Variants in PTPRO observed in about 807,000 individuals in gnomAD.
PTPRO encodes protein tyrosine phosphatase receptor type O.
Under a neutral mutation model 145.2 loss-of-function variants are expected in PTPRO, and 62 were observed. That is an observed-to-expected ratio of 0.43 (90% CI 0.35 to 0.53). The LOEUF (loss-of-function observed/expected upper bound fraction) is 0.53, where lower values mean the gene tolerates loss of function less well. PTPRO is among the 20% of genes least tolerant of loss of function. The probability of loss-of-function intolerance (pLI) is 0.01; values close to 1 mark genes in which losing one functional copy is unlikely to be tolerated. For synonymous variants in PTPRO, 565 were observed against 514.7 expected (o/e 1.10, Z -1.32); for missense variants, 1,345 against 1,482.7 (o/e 0.91, Z 1.53).
At chr12:15,425,174 G>C (rs1039017534) in intron 1 of PTPRO, among the ~76,000 whole-genome samples, 2 of 152,028 alleles carry the variant, frequency 1.3e-5, no homozygotes, top group African/African-American at 4.8e-5. Flanking sequence ...ACGGTACTTT[G>C]CTAGTTTTGT....
chr12:15,509,197 C>G (rs1942385055), intron 7 of PTPRO, among the ~76,000 whole-genome samples: 1 of 151,948 alleles, frequency 6.6e-6, no homozygotes, highest in South Asian at 2.1e-4. Context: ...GAAGAAGGAG[C>G]TGAGCGTGAG....
chr12:15,558,361 G>A (rs1335507932), intron 16 of PTPRO, among the ~76,000 whole-genome samples: 1 of 152,174 alleles, frequency 6.6e-6, no homozygotes, highest in Non-Finnish European at 1.5e-5. Flanking sequence ...AGCCAGTGAA[G>A]TTTCATAAGA....
At chr12:15,346,017 T>C (rs1036978114) in intron 1 of PTPRO, among the ~76,000 whole-genome samples, 11 of 152,184 alleles carry the variant, frequency 7.2e-5, no homozygotes, top group African/African-American at 2.7e-4. Context: ...ATCAGAAACT[T>C]TGCTTAATAT....
intron 1 of PTPRO, among the ~76,000 whole-genome samples, chr12:15,377,572 T>C (rs1390354066): frequency 6.6e-6 from 1 of 152,014 alleles, no homozygotes; most frequent in Non-Finnish European, 1.5e-5. Context: ...TATCTCACTA[T>C]CAAAAATAGA....
At chr12:15,503,712 A>G (rs1942265205) in intron 5 of PTPRO, among the ~76,000 whole-genome samples, 196 bp from the exon 6 acceptor site, 1 of 152,086 alleles carries the variant, frequency 6.6e-6, no homozygotes, top group South Asian at 2.1e-4. Flanking sequence ...GAGTTTTGTT[A>G]TTTGGAAGAC....
chr12:15,493,424 G>A (rs967189794), intron 2 of PTPRO, among the ~76,000 whole-genome samples: 2 of 152,024 alleles, frequency 1.3e-5, no homozygotes, highest in Non-Finnish European at 2.9e-5. Flanking sequence ...AATGACAATG[G>A]GAATATGGTA....
chr12:15,538,470 G>A (rs577125015), intron 12 of PTPRO, among the ~76,000 whole-genome samples: 9 of 152,216 alleles, frequency 5.9e-5, no homozygotes, highest in Non-Finnish European at 8.8e-5. Context: ...TGATCTGCCC[G>A]CAAGTGCCTC....
intron 15 of PTPRO, among the ~76,000 whole-genome samples, chr12:15,555,566 T>C (rs1345077252): frequency 6.6e-6 from 1 of 152,124 alleles, no homozygotes; most frequent in Non-Finnish European, 1.5e-5. Flanking sequence ...TCATAGGAAG[T>C]GTGCAGTAAA....
chr12:15,597,755 C>T lies in PTPRO; in HGVS notation c.*1682C>T, dbSNP rs1234825403. On this transcript the variant is annotated 3_prime_UTR_variant, in exon 27 of 27. Transcript: ENST00000281171. Reference sequence around the variant, plus strand: ...CTCAGGGGTTGTCAGTTCCTACTCACCTCCCTGCTACCACCTCCTCCTCTT... The same window carrying T: ...CTCAGGGGTTGTCAGTTCCTACTCATCTCCCTGCTACCACCTCCTCCTCTT... 6.6e-6 allele frequency among the ~76,000 whole-genome samples: 1 copy of T among 152,210 alleles called. No individual in the cohort carries two copies. The highest frequency in any genetic ancestry group is 2.4e-5 in the African/African-American group (1 of 41,462).
chr12:15,359,023 T>A (rs1938088074), intron 1 of PTPRO, among the ~76,000 whole-genome samples: 1 of 152,180 alleles, frequency 6.6e-6, no homozygotes, highest in African/African-American at 2.4e-5. Flanking sequence ...CAAACTTGAA[T>A]TTTACATGCA....
intron 12 of PTPRO, among the ~76,000 whole-genome samples, chr12:15,526,609 G>C (rs1942844329): frequency 6.6e-6 from 1 of 152,040 alleles, no homozygotes; most frequent in Admixed American, 6.5e-5. Flanking sequence ...ATTATGTAAT[G>C]CTCTCTTTAA....
At chr12:15,570,826 C>T (rs1944029253) in intron 19 of PTPRO, among the ~76,000 whole-genome samples, 1 of 152,174 alleles carries the variant, frequency 6.6e-6, no homozygotes, top group Non-Finnish European at 1.5e-5. Context: ...TTTCTTAATT[C>T]CTTCAAGATG....
At chr12:15,436,453 A>C (rs1940596949) in intron 1 of PTPRO, among the ~76,000 whole-genome samples, 1 of 152,238 alleles carries the variant, frequency 6.6e-6, no homozygotes, top group African/African-American at 2.4e-5. Flanking sequence ...CTGTGATGGC[A>C]TCCAGTTGAT....
At chr12:15,510,618 G>A (rs2284435) in intron 7 of PTPRO, among the ~76,000 whole-genome samples, 49,281 of 152,004 alleles carry the variant, frequency 0.32, 8,380 homozygotes, top group Middle Eastern at 0.39. Flanking sequence ...AACATGAAAT[G>A]TCCTATTCAG....
chr12:15,497,130 G>C, intron 2 of PTPRO, 115 bp from the exon 3 acceptor site: 1 of 969,900 alleles, frequency 1.0e-6, no homozygotes, highest in Non-Finnish European at 1.6e-6. Flanking sequence ...CCCACAGACA[G>C]TGAAAATTAT....
chr12:15,585,829 C>T (rs1014539737), intron 23 of PTPRO, among the ~76,000 whole-genome samples: 1 of 152,112 alleles, frequency 6.6e-6, no homozygotes, highest in Admixed American at 6.5e-5. Context: ...ATATGTAACT[C>T]TTACAAGTTA....
chr12:15,459,552 G>T (rs1298863539), intron 1 of PTPRO, among the ~76,000 whole-genome samples: 6 of 152,184 alleles, frequency 3.9e-5, no homozygotes, highest in African/African-American at 1.4e-4. Context: ...AGTGTGGTTG[G>T]TTTTTTGTTC....
intron 1 of PTPRO, among the ~76,000 whole-genome samples, chr12:15,367,842 G>A (rs781721023): frequency 2.3e-4 from 35 of 152,110 alleles, no homozygotes; most frequent in Admixed American, 1.6e-3. Flanking sequence ...GGCTGTTGTT[G>A]GGATAACCAC....
chr12:15,584,248 G>C (rs1310142191), intron 23 of PTPRO, among the ~76,000 whole-genome samples: 1 of 152,232 alleles, frequency 6.6e-6, no homozygotes, highest in African/African-American at 2.4e-5. Context: ...TAAGGCACTT[G>C]TAAAGCATCA....
Sources: allele counts gnomAD v4.1 joint callset (sites outside exome capture counted in the v4.1 genomes callset), GRCh38; gene constraint gnomAD v4.1.1; transcripts MANE v1.5; gene names NCBI Gene and HGNC (gene_info 2026-07-23, HGNC 2026-07-21).